The following GLYAT variants were observed in gnomAD, a reference collection of about 807,000 sequenced individuals.
GLYAT encodes glycine N-acyltransferase.
In GLYAT, 25 loss-of-function variants were observed where a neutral mutation model predicts 22.8. That is an observed-to-expected ratio of 1.09 (90% CI 0.80 to 1.53). The LOEUF (loss-of-function observed/expected upper bound fraction) is 1.53. Among genes scored for constraint, GLYAT ranks in the 40% most tolerant of loss-of-function variants. GLYAT has a pLI of 0.00. For missense variants in GLYAT, 411 were observed against 353.9 expected, an observed-to-expected ratio of 1.16 and a Z score of -1.29; for synonymous variants, 140 against 122.7, an observed-to-expected ratio of 1.14 and a Z score of -0.93.
chr11:58,708,950 A>C lies in GLYAT; in HGVS notation c.*816T>G, dbSNP rs1453832787. 6.6e-6 allele frequency: 1 copy of C among 152,094 alleles called. No individual in the cohort carries two copies. Among genetic ancestry groups the C allele is most frequent in the African/African-American group, 2.4e-5 (1 of 41,412 alleles). 9.4% of individuals were successfully genotyped at this position (152,094 alleles called of 1,614,324 possible). A position where few individuals can be genotyped will look rare whatever the true frequency, so the allele number is the denominator to read the frequency against. ...CTCCCTTCAACTCCTATCTCTCCTCAATAAACCATCACATCCCTGGGTCAA... is the reference window on the plus strand; with the variant it reads ...CTCCCTTCAACTCCTATCTCTCCTCCATAAACCATCACATCCCTGGGTCAA... On this transcript the variant is annotated 3_prime_UTR_variant, in exon 6 of 6. Coordinates refer to ENST00000344743, the MANE Select transcript of GLYAT (RefSeq NM_201648.3).
chr11:58,724,229 T>C, intron 2 of GLYAT, 187 bp downstream of exon 2: 1 of 482,566 alleles, frequency 2.1e-6, no homozygotes, highest in Non-Finnish European at 3.7e-6. Flanking sequence ...TAACTGAGTC[T>C]TCATTTTCTT....
rs71064488 is a variant in GLYAT, at chr11:58,728,889, AGAAGGAAGGAAGGAAGGAAGGAAGGAAG to A, written c.-16+2918_-16+2945del. Among the ~76,000 whole-genome samples the A allele has an allele frequency of 4.9e-5, 5 of 101,308 alleles. No homozygotes were observed. In the East Asian group the frequency reaches 9.9e-4, roughly 20 times the overall value. The allele number at this position is 101,308 out of a possible 152,430, so 66.5% of individuals were successfully genotyped here. On this transcript the variant is annotated intron_variant, in intron 1 of 5. Coordinates refer to ENST00000344743, the MANE Select transcript of GLYAT (RefSeq NM_201648.3). ...AAGAAAGAAAGAAAGAAAGAAAGAA[AGAAGGAAGGAAGGAAGGAAGGAAGGAAG>A]GAAGGAAGGAAGGAAGGAAGGAAGG...
Position 58,710,119 on chromosome 11 carries a change from A to G in GLYAT, c.538T>C (p.Leu180=). 2 of 1,614,084 alleles carry G rather than the reference A, an allele frequency of 1.2e-6. No homozygotes were observed. The highest frequency in any genetic ancestry group is 1.7e-6 in the Non-Finnish European group (2 of 1,179,968). ...CCAAAATGCCAGAATTTATTCACCA[A>G]GTGAGCATGGGTAACATCCATGGAT... is the stretch of plus-strand genomic sequence containing the variant. ...LSSMDVTHAH[L]VNKFWHFGGN... is the part of the protein sequence containing the mutation. The change falls in exon 6 of 6, where the codon TTG becomes CTG. Residue 180 remains leucine (L), a synonymous_variant. Transcript: ENST00000344743.
chr11:58,717,325 T>C (rs1590669988), intron 2 of GLYAT, among the ~76,000 whole-genome samples: 1 of 151,780 alleles, frequency 6.6e-6, no homozygotes, highest in East Asian at 1.9e-4. Context: ...GAAGAGAAAA[T>C]AGGGTGAAAG....
chr11:58,712,781 T>C lies in GLYAT; in HGVS notation c.295A>G (p.Lys99Glu). Reference sequence around the variant, plus strand: ...TTACTTTGAATCTGTAAATGCTGTTTCCAGTTGATGAGTTCTGGTGATCCA... The same window carrying C: ...TTACTTTGAATCTGTAAATGCTGTTCCCAGTTGATGAGTTCTGGTGATCCA... Reference protein sequence around the residue: ...FLGSPELINWKQHLQIQSSQP... With the variant: ...FLGSPELINWEQHLQIQSSQP... The change falls in exon 4 of 6, where the codon AAA (lysine) becomes GAA (glutamate). Residue 99 changes from lysine to glutamate, a missense_variant. Coordinates refer to ENST00000344743, the MANE Select transcript of GLYAT (RefSeq NM_201648.3). 1.2e-6 allele frequency: 2 copies of C among 1,613,148 alleles called. No homozygotes were observed. The highest frequency in any genetic ancestry group is 1.7e-6 in the Non-Finnish European group (2 of 1,179,260).
At chr11:58,710,451 G>A (rs1402424616) in intron 5 of GLYAT, 139 bp downstream of exon 5, 3 of 794,880 alleles carry the variant, frequency 3.8e-6, no homozygotes, top group Non-Finnish European at 4.2e-6. Context: ...AACATGTTCT[G>A]AGTTACATTT....
chr11:58,710,009 A>AG lies in GLYAT; in HGVS notation c.647dup (p.Val217CysfsTer54), dbSNP rs1856591672. ...TCTGGTCCATTAGATCCCAGCACAC[A>AG]GGGGTCCCCTCAGGCCCCAGGAGAC... On this transcript the variant is annotated frameshift_variant, in exon 6 of 6. Coordinates refer to ENST00000344743, the MANE Select transcript of GLYAT (RefSeq NM_201648.3). LOFTEE classifies it low-confidence loss of function (END_TRUNC). 1 of 1,614,002 alleles carries AG rather than the reference A, an allele frequency of 6.2e-7. No homozygotes were observed. The highest frequency in any genetic ancestry group is 8.5e-7 in the Non-Finnish European group (1 of 1,179,980).
intron 2 of GLYAT, among the ~76,000 whole-genome samples, chr11:58,723,826 C>A (rs992740318): frequency 1.6e-4 from 25 of 151,694 alleles, no homozygotes; most frequent in African/African-American, 6.0e-4. Flanking sequence ...TTATTTAATT[C>A]TTAGACCTCT....
chr11:58,727,811 T>A (rs1565060480), intron 1 of GLYAT, among the ~76,000 whole-genome samples: 1 of 152,140 alleles, frequency 6.6e-6, no homozygotes. Flanking sequence ...TGAGCATGCA[T>A]ACAATTCCAG....
At chr11:58,728,905 G>GGAAGGAAA (rs1856841899) in intron 1 of GLYAT, among the ~76,000 whole-genome samples, 1 of 90,776 alleles carries the variant, frequency 1.1e-5, no homozygotes, top group African/African-American at 3.9e-5. Context: ...AAGGAAGGAA[G>GGAAGGAAA]GAAGGAAGGA....
intron 2 of GLYAT, among the ~76,000 whole-genome samples, chr11:58,715,841 C>T (rs1486023208): frequency 6.6e-6 from 1 of 152,144 alleles, no homozygotes; most frequent in Non-Finnish European, 1.5e-5. Context: ...GACATCTCAG[C>T]TGTTTTCAAC....
rs372278255 is a variant in GLYAT at position 58,728,132 on chromosome 11, G to A, written c.-15-3621C>T. On this transcript the variant is annotated intron_variant, in intron 1 of 5. Coordinates refer to ENST00000344743, the MANE Select transcript of GLYAT (RefSeq NM_201648.3). The stretch of plus-strand genomic sequence containing the variant: ...CACTGGAGTGCAGTGGTGCAATCTC[G>A]GCTCACTGCAACCTCCACCTCCCAG... Among the ~76,000 whole-genome samples, 23 of 128,682 alleles carry A rather than the reference G, an allele frequency of 1.8e-4. No homozygotes were observed. In the East Asian group the frequency reaches 3.1e-3, roughly 17 times the overall value. 84.4% of individuals were successfully genotyped at this position (128,682 alleles called of 152,430 possible).
rs1252913539 is a variant in GLYAT at position 58,712,820 on chromosome 11, A to G, written c.256T>C (p.Cys86Arg). 3 of 1,609,980 alleles carry G rather than the reference A, an allele frequency of 1.9e-6. No individual in the cohort carries two copies. Among genetic ancestry groups the G allele is most frequent in the East Asian group, 2.2e-5 (1 of 44,828 alleles). ...YQIYSKDPQNCQEFLGSPELI... is the reference protein window; with the variant it reads ...YQIYSKDPQNRQEFLGSPELI... ...TCTGGTGATCCAAGGAATTCCTGAC[A>G]GTTTTGGGGATCTTTGGAGTAGATT... is the stretch of plus-strand genomic sequence containing the variant. The change falls in exon 4 of 6, where the codon TGT (cysteine) becomes CGT (arginine). Residue 86 changes from cysteine to arginine, a missense_variant. Physicochemically the swap from Cys to Arg is radical, Grantham distance 180. Transcript: ENST00000344743.
At chr11:58,728,063 T>C (rs1433039035) in intron 1 of GLYAT, among the ~76,000 whole-genome samples, 2 of 135,866 alleles carry the variant, frequency 1.5e-5, no homozygotes, top group African/African-American at 2.8e-5. Context: ...CTTTTTTTTT[T>C]TTTTTTTTTT....
At position 58,722,969 on chromosome 11, in the gene GLYAT, G is replaced by A. The variant is rs1442674318; in HGVS notation, c.81+1447C>T. Among the ~76,000 whole-genome samples the A allele has an allele frequency of 2.0e-5, 3 of 152,096 alleles. No homozygotes were observed. The East Asian group carries it at 5.8e-4, about 29-fold the overall frequency. On this transcript the variant is annotated intron_variant, in intron 2 of 5. Transcript: ENST00000344743. ...TGTCTTTTAGTATACAACAAAAGAG[G>A]AGGAATGCTATTTCCTCATGAAAGG... is the stretch of plus-strand genomic sequence containing the variant.
Position 58,712,821 on chromosome 11 carries a change from G to C in GLYAT, c.255C>G (p.Asn85Lys), listed in dbSNP as rs137908036. ...CTGGTGATCCAAGGAATTCCTGACAGTTTTGGGGATCTTTGGAGTAGATTT... is the reference window on the plus strand; with the variant it reads ...CTGGTGATCCAAGGAATTCCTGACACTTTTGGGGATCTTTGGAGTAGATTT... Reference protein sequence around the residue: ...TYQIYSKDPQNCQEFLGSPEL... With the variant: ...TYQIYSKDPQKCQEFLGSPEL... The change falls in exon 4 of 6, where the codon AAC (asparagine) becomes AAG (lysine). Residue 85 changes from asparagine to lysine, a missense_variant. Coordinates refer to ENST00000344743, the MANE Select transcript of GLYAT (RefSeq NM_201648.3). The C allele has an allele frequency of 2.6e-5, 42 of 1,609,832 alleles. No homozygotes were observed. The highest frequency in any genetic ancestry group is 3.5e-5 in the Non-Finnish European group (41 of 1,176,238).
chr11:58,718,944 C>A (rs182035999), intron 2 of GLYAT, among the ~76,000 whole-genome samples: 1 of 151,842 alleles, frequency 6.6e-6, no homozygotes, highest in East Asian at 1.9e-4. Flanking sequence ...GGAACACATA[C>A]CAATAACATA....
At chr11:58,715,810 G>A (rs1346154358) in intron 2 of GLYAT, among the ~76,000 whole-genome samples, 1 of 152,082 alleles carries the variant, frequency 6.6e-6, no homozygotes, top group Non-Finnish European at 1.5e-5. Flanking sequence ...ATGCATCACA[G>A]TTAATCACTT....
intron 1 of GLYAT, among the ~76,000 whole-genome samples, chr11:58,728,889 AGAAGGAAGGAAGGAAG>A (rs71064488): frequency 0.053 from 5,318 of 100,686 alleles, 218 homozygotes; most frequent in Middle Eastern, 0.077. Flanking sequence ...AAAGAAAGAA[AGAAGGAAGGAAGGAAG>A]GAAGGAAGGA....
Sources: gnomAD v4.1 joint callset for allele counts (sites outside exome capture counted in the v4.1 genomes callset) on GRCh38, gnomAD v4.1.1 for gene constraint, MANE v1.5 for transcripts, NCBI Gene and HGNC (gene_info 2026-07-23, HGNC 2026-07-21) for gene names.